The following OR10A3 variants were observed in gnomAD, a reference collection of about 807,000 sequenced individuals.
OR10A3 encodes olfactory receptor family 10 subfamily A member 3.
OR10A3 carries 1 observed loss-of-function variant against 1.5 expected under a neutral mutation model. The ratio of observed to expected loss-of-function variants is 0.66; its 90% confidence interval spans 0.23 to 3.11. The LOEUF (loss-of-function observed/expected upper bound fraction) is 3.11. Ranked by LOEUF, OR10A3 falls within the 30% of genes most tolerant of loss-of-function variation. The pLI is 0.21. For missense variants in OR10A3, 398 were observed against 369.7 expected (o/e 1.08, Z -0.63); for synonymous variants, 145 against 143.7 (o/e 1.01, Z -0.06).
intron 1 of OR10A3, among the ~76,000 whole-genome samples, chr11:7,940,994 G>A (rs1409922896): frequency 6.6e-6 from 1 of 151,964 alleles, no homozygotes; most frequent in Non-Finnish European, 1.5e-5. Flanking sequence ...AAAGGCAATT[G>A]ATTTATTGAG....
At chr11:7,940,706 C>T (rs897918296) in intron 1 of OR10A3, among the ~76,000 whole-genome samples, 41 of 152,164 alleles carry the variant, frequency 2.7e-4, no homozygotes, top group African/African-American at 9.6e-4. Context: ...AACATTACTT[C>T]TGAATGGACA....
Position 7,937,258 on chromosome 11 carries a change from C to T in OR10A3, c.*1318G>A, listed in dbSNP as rs1941368173. On this transcript the variant is annotated 3_prime_UTR_variant, in exon 2 of 2. Coordinates refer to ENST00000642047, the MANE Select transcript of OR10A3 (RefSeq NM_001003745.2). The stretch of plus-strand genomic sequence containing the variant: ...ATAATATACACAAATTATAATGACA[C>T]CCCTTCATTTAGCAGAATATGTATA... The T allele has an allele frequency of 6.6e-6, 1 of 152,088 alleles. No individual in the cohort carries two copies. Among genetic ancestry groups the T allele is most frequent in the Non-Finnish European group, 1.5e-5 (1 of 68,030 alleles). 9.4% of individuals were successfully genotyped at this position (152,088 alleles called of 1,614,324 possible). A position where few individuals can be genotyped will look rare whatever the true frequency, so the allele number is the denominator to read the frequency against.
Position 7,939,591 on chromosome 11 carries a change from G to T in OR10A3, c.-71C>A. On this transcript the variant is annotated 5_prime_UTR_variant, in exon 2 of 2. Transcript: ENST00000642047. ...AGTATGAAGTCGTAATCCCATAGCT[G>T]TGAGTTCAAGTCTGGAATTCTTGAC... 1.7e-6 allele frequency: 2 copies of T among 1,195,230 alleles called. No individual in the cohort carries two copies. Among genetic ancestry groups the T allele is most frequent in the South Asian group, 1.7e-5 (1 of 59,312 alleles). 74.0% of individuals were successfully genotyped at this position (1,195,230 alleles called of 1,614,324 possible).
rs750081656 is a variant in OR10A3, at chr11:7,938,546, G to A, written c.*30C>T. 2.0e-6 allele frequency: 3 copies of A among 1,528,334 alleles called. No homozygotes were observed. Among genetic ancestry groups the A allele is most frequent in the Non-Finnish European group, 2.7e-6 (3 of 1,123,862 alleles). 94.7% of individuals were successfully genotyped at this position (1,528,334 alleles called of 1,614,324 possible). The stretch of plus-strand genomic sequence containing the variant: ...TTTAAATAGAGTTCACTCAGGCAGT[G>A]GCCAAATCTTACTCAGCTTCTCAAC... On this transcript the variant is annotated 3_prime_UTR_variant, in exon 2 of 2. Transcript: ENST00000642047.
In OR10A3 at chr11:7,939,107, T is replaced by A. The variant is rs767839068; in HGVS notation, c.414A>T (p.Arg138Ser). 6.2e-7 allele frequency: 1 copy of A among 1,614,052 alleles called. No individual in the cohort carries two copies. The highest frequency in any genetic ancestry group is 1.1e-5 in the South Asian group (1 of 91,068). Residue 138 changes from arginine to serine, a missense_variant, in exon 2 of 2, where the codon AGA (arginine) becomes AGT (serine). Physicochemically the swap from Arg to Ser is moderately radical, Grantham distance 110. Coordinates refer to ENST00000642047, the MANE Select transcript of OR10A3 (RefSeq NM_001003745.2). Reference protein sequence around the residue: ...HPLNYPVIMNRGVFMKLVIFS... With the variant: ...HPLNYPVIMNSGVFMKLVIFS... ...ATATTACTAATTTCATAAAAACCCC[T>A]CTGTTCATAATCACTGGGTAGTTCA...
In OR10A3 at chr11:7,938,813, C is replaced by A. The variant is rs749672587; in HGVS notation, c.708G>T (p.Lys236Asn). 6.2e-7 allele frequency: 1 copy of A among 1,614,036 alleles called. No individual in the cohort carries two copies. The highest frequency in any genetic ancestry group is 1.3e-5 in the African/African-American group (1 of 74,904). ...LKMPSTTGRQ[K>N]AFSTCASHLT... ...GGTGAGAGGCACAGGTGGAAAAGGC[C>A]TTTTGTCTCCCAGTAGTTGATGGCA... Residue 236 changes from lysine (K) to asparagine (N), a missense_variant, in exon 2 of 2, where the codon AAG becomes AAT. Lys to Asn is a moderately conservative substitution (Grantham distance 94, BLOSUM62 0). Transcript: ENST00000642047.
chr11:7,939,984 C>T (rs1003255613), intron 1 of OR10A3, among the ~76,000 whole-genome samples: 3 of 152,222 alleles, frequency 2.0e-5, no homozygotes, highest in Non-Finnish European at 4.4e-5. Context: ...TAGTCTGGAA[C>T]TTGGCTGCAG....
intron 1 of OR10A3, among the ~76,000 whole-genome samples, chr11:7,940,541 A>G (rs1017309853): frequency 3.3e-5 from 5 of 152,000 alleles, no homozygotes; most frequent in African/African-American, 1.2e-4. Context: ...CCGTTCCTCC[A>G]ATCTGTACCT....
Position 7,938,301 on chromosome 11 carries a change from CAAAAAAAAAA to C in OR10A3, c.*265_*274del, listed in dbSNP as rs10606445. The C allele has an allele frequency of 5.8e-6, 1 of 173,820 alleles. No homozygotes were observed. The highest frequency in any genetic ancestry group is 1.1e-5 in the Non-Finnish European group (1 of 92,958). The allele number at this position is 173,820 out of a possible 1,614,324, so 10.8% of individuals were successfully genotyped here. A position where few individuals can be genotyped will look rare whatever the true frequency, so the allele number is the denominator to read the frequency against. On this transcript the variant is annotated 3_prime_UTR_variant, in exon 2 of 2. Transcript: ENST00000642047. ...CCTGGGCTGGAGCGAAACTCCATCTCAAAAAAAAAAAAAAAAAAAATGACAGTAATCCAGT... is the reference window on the plus strand; with the variant it reads ...CCTGGGCTGGAGCGAAACTCCATCTCAAAAAAAAAATGACAGTAATCCAGT...
rs1265609023 is a variant in OR10A3 at position 7,939,163 on chromosome 11, A to T, written c.358T>A (p.Tyr120Asn). The part of the protein sequence containing the change: ...TECFLLGAMA[Y>N]DRFAAICHPL... The stretch of plus-strand genomic sequence containing the variant: ...TGGCAAATTGCAGCAAATCGGTCAT[A>T]AGCCATCGCTCCCAGGAGAAAACAT... Residue 120 changes from tyrosine to asparagine, a missense_variant, in exon 2 of 2, where the codon TAT (tyrosine) becomes AAT (asparagine). Physicochemically the swap from Tyr to Asn is moderately radical, Grantham distance 143. Coordinates refer to ENST00000642047, the MANE Select transcript of OR10A3 (RefSeq NM_001003745.2). 1.5e-5 allele frequency: 24 copies of T among 1,614,094 alleles called. No homozygotes were observed. The highest frequency in any genetic ancestry group is 2.2e-5 in the South Asian group (2 of 91,088).
In OR10A3 at chr11:7,939,045, T is replaced by TGGTG. The variant is rs771279696; in HGVS notation, c.475_476insCACC (p.Gln159ProfsTer8). 5.9e-5 allele frequency: 96 copies of TGGTG among 1,614,044 alleles called. No individual in the cohort carries two copies. Among genetic ancestry groups the TGGTG allele is most frequent in the Non-Finnish European group, 8.0e-5 (94 of 1,180,020 alleles). ...TGGAAAACTAAATACCCAAGTGGTC[T>TGGTG]GCACAGTAGCCACCATGATCCCTGA... is the stretch of plus-strand genomic sequence containing the variant. On this transcript the variant is annotated frameshift_variant, in exon 2 of 2. Coordinates refer to ENST00000642047, the MANE Select transcript of OR10A3 (RefSeq NM_001003745.2). LOFTEE classifies it high-confidence loss of function.
At position 7,939,369 on chromosome 11, in the gene OR10A3, AAGG is replaced by A; in HGVS notation, c.149_151del (p.Ser50del). The A allele has an allele frequency of 6.2e-7, 1 of 1,614,176 alleles. No individual in the cohort carries two copies. Among genetic ancestry groups the A allele is most frequent in the Non-Finnish European group, 8.5e-7 (1 of 1,180,016 alleles). ...CATGGGAACGTGGAGGCTCTGGTTT[AAGG>A]AGATGATGACTGTAATGATGGCATT... is the stretch of plus-strand genomic sequence containing the variant. On this transcript the variant is annotated inframe_deletion, in exon 2 of 2. Transcript: ENST00000642047.
chr11:7,939,743 C>G (rs1039878723), intron 1 of OR10A3, 45 bp from the exon 2 acceptor site: 3 of 447,564 alleles, frequency 6.7e-6, no homozygotes, highest in Non-Finnish European at 7.8e-6. Flanking sequence ...GTTCAGAAAT[C>G]TTGTTTTTAA....
chr11:7,941,275 T>A (rs1941438952), intron 1 of OR10A3, among the ~76,000 whole-genome samples: 1 of 152,166 alleles, frequency 6.6e-6, no homozygotes, highest in Non-Finnish European at 1.5e-5. Flanking sequence ...CCTTCATGAG[T>A]AATTTTTTTA....
In OR10A3 at chr11:7,941,625, A is replaced by G. The variant is rs148709906; in HGVS notation, c.-217T>C. The G allele has an allele frequency of 8.7e-4, 133 of 152,346 alleles. No homozygotes were observed. The highest frequency in any genetic ancestry group is 3.4e-3 in the Middle Eastern group (1 of 294). The allele number at this position is 152,346 out of a possible 1,614,324, so 9.4% of individuals were successfully genotyped here. ...TATCACTTGATAAGTATCTCCAATTATCAGTGAGGATAACTACAGAAGGCA... is the reference window on the plus strand; with the variant it reads ...TATCACTTGATAAGTATCTCCAATTGTCAGTGAGGATAACTACAGAAGGCA... On this transcript the variant is annotated 5_prime_UTR_variant, in exon 1 of 2. Coordinates refer to ENST00000642047, the MANE Select transcript of OR10A3 (RefSeq NM_001003745.2).
chr11:7,939,923 T>G (rs4758260), intron 1 of OR10A3, among the ~76,000 whole-genome samples: 139,434 of 152,158 alleles, frequency 0.92, 64,001 homozygotes, highest in South Asian at 0.95. Context: ...GTTGGATTCT[T>G]CAAGCAAAGA....
In OR10A3 at chr11:7,938,660, C is replaced by T. The variant is rs200152269; in HGVS notation, c.861G>A (p.Pro287=). The change falls in exon 2 of 2, where the codon CCG becomes CCA. Residue 287 remains proline (P), a synonymous_variant. Coordinates refer to ENST00000642047, the MANE Select transcript of OR10A3 (RefSeq NM_001003745.2). ...CACTGTTTCGTAAGCTATAGATGAG[C>T]GGATTGAGCAGAGGGGTAAGCAACG... ...AYTLLTPLLN[P]LIYSLRNSEM... 310 of 1,614,038 alleles carry T rather than the reference C, an allele frequency of 1.9e-4. No homozygotes were observed. The highest frequency in any genetic ancestry group is 5.8e-4 in the East Asian group (26 of 44,876).
intron 1 of OR10A3, among the ~76,000 whole-genome samples, chr11:7,940,007 C>A (rs1941421898): frequency 6.6e-6 from 1 of 152,198 alleles, no homozygotes; most frequent in Non-Finnish European, 1.5e-5. Flanking sequence ...CTAACTCTGC[C>A]ACTGTCTCCA....
intron 1 of OR10A3, 58 bp from the exon 2 acceptor site, chr11:7,939,756 TACAAAATA>T (rs1483959371): frequency 4.4e-6 from 2 of 456,816 alleles, no homozygotes; most frequent in African/African-American, 4.0e-5. Flanking sequence ...GTTTTTAAAG[TACAAAATA>T]ACAGTAAATG....
Sources: gnomAD v4.1 joint callset for allele counts (sites outside exome capture counted in the v4.1 genomes callset) on GRCh38, gnomAD v4.1.1 for gene constraint, MANE v1.5 for transcripts, NCBI Gene and HGNC (gene_info 2026-07-23, HGNC 2026-07-21) for gene names.